LAMA2: variants seen among roughly 807,000 people sequenced by gnomAD.
The protein encoded by LAMA2 is laminin subunit alpha 2.
Under a neutral mutation model 364.8 loss-of-function variants are expected in LAMA2, and 269 were observed. That is an observed-to-expected ratio of 0.74 (90% CI 0.67 to 0.82). LAMA2 has a LOEUF of 0.82. Ranked by LOEUF, LAMA2 falls within the 40% of genes least tolerant of loss-of-function variation. The pLI, the probability that LAMA2 is intolerant of heterozygous loss-of-function variation, is 0.00. For synonymous variants in LAMA2, 1,379 were observed against 1,370.6 expected, an observed-to-expected ratio of 1.01 and a Z score of -0.14; for missense variants, 3,807 against 3,873.2, an observed-to-expected ratio of 0.98 and a Z score of 0.45.
intron 1 of LAMA2, among the ~76,000 whole-genome samples, chr6:128,931,211 A>G (rs1227246035): frequency 2.6e-5 from 4 of 152,260 alleles, no homozygotes; most frequent in Admixed American, 6.5e-5. Context: ...CATAAAGGAT[A>G]CAGGTAAAAG....
chr6:128,935,721 A>T (rs947274489), intron 1 of LAMA2, among the ~76,000 whole-genome samples: 1 of 152,190 alleles, frequency 6.6e-6, no homozygotes, highest in Non-Finnish European at 1.5e-5. Context: ...ATATAAGATC[A>T]TGTCATCTGC....
rs1216092610 is a variant in LAMA2, at chr6:129,473,314, A to G, written c.7401A>G (p.Lys2467=). 1.2e-6 allele frequency: 2 copies of G among 1,612,692 alleles called. No homozygotes were observed. Among genetic ancestry groups the G allele is most frequent in the Non-Finnish European group, 1.7e-6 (2 of 1,179,052 alleles). Residue 2467 remains lysine (K), a synonymous_variant, in exon 52 of 65, where the codon AAA becomes AAG. Transcript: ENST00000421865. The part of the protein sequence containing the change: ...NFGLDLKADD[K]IYFGGLPTLR... Reference sequence around the variant, plus strand: ...GTCTTGACTTGAAAGCAGATGACAAAATATATTTTGGTGGCCTGCCAACGC... The same window carrying G: ...GTCTTGACTTGAAAGCAGATGACAAGATATATTTTGGTGGCCTGCCAACGC...
chr6:129,187,420 G>T (rs1321117776), intron 10 of LAMA2, among the ~76,000 whole-genome samples: 1 of 151,784 alleles, frequency 6.6e-6, no homozygotes, highest in Admixed American at 6.6e-5. Flanking sequence ...ATGTAGTAAA[G>T]AAAGATTTCT....
At chr6:129,137,458 C>T (rs976176848) in intron 4 of LAMA2, among the ~76,000 whole-genome samples, 6 of 151,962 alleles carry the variant, frequency 3.9e-5, no homozygotes, top group African/African-American at 1.4e-4. Context: ...AATGGCTCTA[C>T]TAGTATATTT....
chr6:129,307,669 T>C (rs544796506), intron 22 of LAMA2, among the ~76,000 whole-genome samples: 1 of 152,348 alleles, frequency 6.6e-6, no homozygotes, highest in South Asian at 2.1e-4. Flanking sequence ...ATTTTTATTT[T>C]AGTTGGTTGT....
At chr6:128,909,268 T>A (rs1777718002) in intron 1 of LAMA2, among the ~76,000 whole-genome samples, 1 of 152,026 alleles carries the variant, frequency 6.6e-6, no homozygotes, top group Non-Finnish European at 1.5e-5. Context: ...TGTGTGGGAG[T>A]CTAAGTCTCT....
At chr6:129,412,119 A>G (rs1271867716) in intron 40 of LAMA2, among the ~76,000 whole-genome samples, 1 of 152,166 alleles carries the variant, frequency 6.6e-6, no homozygotes, top group Admixed American at 6.5e-5. Flanking sequence ...AACAGAACAA[A>G]TTGGAAGTGT....
At chr6:129,393,302 TG>T (rs1194464831) in intron 37 of LAMA2, 47 bp downstream of exon 37, 5 of 1,408,918 alleles carry the variant, frequency 3.5e-6, no homozygotes, top group Non-Finnish European at 5.0e-6. Context: ...GGTTGGGGAC[TG>T]CGGGGGCAGT....
intron 1 of LAMA2, among the ~76,000 whole-genome samples, chr6:128,940,153 A>G (rs1780066363): frequency 6.6e-6 from 1 of 152,058 alleles, no homozygotes; most frequent in African/African-American, 2.4e-5. Flanking sequence ...ACTGCCTTAA[A>G]AAGCCCTCAT....
chr6:129,492,438 A>AGTTCCCACCCCAGCCTTTCCTACGCCC lies in LAMA2; in HGVS notation c.8200_8226dup (p.Val2734_Pro2742dup). The stretch of plus-strand genomic sequence containing the variant: ...CTGAAATAGTTATCCAGCCTGAGCC[A>AGTTCCCACCCCAGCCTTTCCTACGCCC]GTTCCCACCCCAGCCTTTCCTACGC... On this transcript the variant is annotated inframe_insertion, in exon 58 of 65. Transcript: ENST00000421865. 6.2e-7 allele frequency: 1 copy of AGTTCCCACCCCAGCCTTTCCTACGCCC among 1,614,144 alleles called. No individual in the cohort carries two copies. The highest frequency in any genetic ancestry group is 1.1e-5 in the South Asian group (1 of 91,090).
Position 129,288,390 on chromosome 6 carries a change from AT to A in LAMA2, c.2749+339del, listed in dbSNP as rs571468356. Among the ~76,000 whole-genome samples the A allele has an allele frequency of 8.7e-3, 1,327 of 152,170 alleles. 17 individuals are homozygous for A. The highest frequency in any genetic ancestry group is 0.03 in the African/African-American group (1,236 of 41,498). ...CATATTAGATAGACACCATGTATCC[AT>A]TTTTTTATCTCAATTCTAATCACTT... is the stretch of plus-strand genomic sequence containing the variant. On this transcript the variant is annotated intron_variant, in intron 19 of 64. Transcript: ENST00000421865.
intron 1 of LAMA2, among the ~76,000 whole-genome samples, chr6:129,024,685 C>T (rs1326434097): frequency 1.3e-5 from 2 of 151,994 alleles, no homozygotes; most frequent in Non-Finnish European, 2.9e-5. Flanking sequence ...CATGAGCCAC[C>T]GTGCCTGGCC....
At chr6:128,933,879 A>T (rs1399653850) in intron 1 of LAMA2, among the ~76,000 whole-genome samples, 2 of 152,206 alleles carry the variant, frequency 1.3e-5, no homozygotes, top group African/African-American at 2.4e-5. Flanking sequence ...ATATTATCCC[A>T]TACCACAACT....
chr6:129,367,463 C>T (rs17057176), intron 33 of LAMA2, among the ~76,000 whole-genome samples: 17,138 of 151,994 alleles, frequency 0.11, 1,380 homozygotes, highest in African/African-American at 0.22. Flanking sequence ...TACATTAGCG[C>T]ACAGAGACTG....
In LAMA2 at chr6:129,315,891, A is replaced by G; in HGVS notation, c.3865A>G (p.Arg1289Gly). ...ACCTACTCATGCTAGAATTATCGTC[A>G]GGCATATGGCTGCTCCTCTGATTGG... Reference protein sequence around the residue: ...GTPTHARIIVRHMAAPLIGQL... With the variant: ...GTPTHARIIVGHMAAPLIGQL... The change falls in exon 26 of 65, where the codon AGG becomes GGG. Residue 1289 changes from arginine (R) to glycine (G), a missense_variant. Arg to Gly is a moderately radical substitution (Grantham distance 125). This residue lies in a region of LAMA2 where 3,333 missense variants were observed against 3,345.7 expected (regional missense o/e 1.00). Transcript: ENST00000421865. 1 of 1,614,152 alleles carries G rather than the reference A, an allele frequency of 6.2e-7. No homozygotes were observed.
intron 1 of LAMA2, among the ~76,000 whole-genome samples, chr6:129,036,285 CAGCAAATTTATG>C (rs1786635657): frequency 6.6e-6 from 1 of 152,070 alleles, no homozygotes. Context: ...ATTTTAATCA[CAGCAAATTTATG>C]GTGTAATCCT....
At chr6:129,363,217 T>A (rs1269412156) in intron 32 of LAMA2, among the ~76,000 whole-genome samples, 2 of 151,982 alleles carry the variant, frequency 1.3e-5, no homozygotes, top group Non-Finnish European at 2.9e-5. Context: ...GGCAGGAGGA[T>A]CACTTTAGCC....
At chr6:129,371,843 G>A (rs1470404559) in intron 34 of LAMA2, among the ~76,000 whole-genome samples, 1 of 151,992 alleles carries the variant, frequency 6.6e-6, no homozygotes, top group East Asian at 1.9e-4. Flanking sequence ...TCCTGACCTT[G>A]TGATTCGCCT....
chr6:129,442,828 T>C, intron 43 of LAMA2: 1 of 539,234 alleles, frequency 1.9e-6, no homozygotes, highest in Non-Finnish European at 3.3e-6. Flanking sequence ...GTCTGTTTTC[T>C]ATCTTACTAA....
Sources: allele counts gnomAD v4.1 joint callset (sites outside exome capture counted in the v4.1 genomes callset), GRCh38; gene constraint gnomAD v4.1.1; regional missense constraint gnomAD v4.1.1; transcripts MANE v1.5; gene names NCBI Gene and HGNC (gene_info 2026-07-23, HGNC 2026-07-21).